Variants in EXD3 observed in about 807,000 individuals in gnomAD.
The protein encoded by EXD3 is exonuclease 3'-5' domain containing 3, also known as exonuclease mut-7 homolog.
EXD3 carries 92 observed loss-of-function variants against 98.0 expected under a neutral mutation model. The ratio of observed to expected loss-of-function variants is 0.94; its 90% CI spans 0.79 to 1.12. EXD3 has a LOEUF of 1.12. Ranked by LOEUF, EXD3 falls within the 50% of genes most tolerant of loss-of-function variation. The pLI, the probability that EXD3 is intolerant of heterozygous loss-of-function variation, is 0.00. For missense variants in EXD3, 1,222 were observed against 1,191.6 expected (o/e 1.03, Z -0.38); for synonymous variants, 569 against 526.0 (o/e 1.08, Z -1.12).
chr9:137,420,735 T>TCAC (rs1554743317), intron 1 of EXD3, among the ~76,000 whole-genome samples: 8 of 97,344 alleles, frequency 8.2e-5, no homozygotes, highest in East Asian at 7.7e-4. Context: ...GGACAGACAT[T>TCAC]CACCCCCCCC....
At chr9:137,321,049 G>A (rs1832006879) in intron 19 of EXD3, among the ~76,000 whole-genome samples, 1 of 152,212 alleles carries the variant, frequency 6.6e-6, no homozygotes, top group South Asian at 2.1e-4. Flanking sequence ...TGGGGTCAGA[G>A]GGTCAGACTG....
chr9:137,355,900 G>A (rs1189856528), intron 8 of EXD3, among the ~76,000 whole-genome samples: 2 of 152,116 alleles, frequency 1.3e-5, no homozygotes, highest in African/African-American at 2.4e-5. Flanking sequence ...GGTGTCCAAC[G>A]ACACAGGCAG....
At chr9:137,335,053 G>A (rs970292839) in intron 17 of EXD3, among the ~76,000 whole-genome samples, 9 of 151,614 alleles carry the variant, frequency 5.9e-5, no homozygotes, top group African/African-American at 1.9e-4. Flanking sequence ...CTCCAGCCTG[G>A]GTGACAGAGC....
chr9:137,367,378 C>A lies in EXD3; in HGVS notation c.516+558G>T, dbSNP rs547607158. Among the ~76,000 whole-genome samples the A allele has an allele frequency of 2.3e-4, 35 of 152,290 alleles. 1 individual carries two copies. The highest frequency in any genetic ancestry group is 1.5e-3 in the Admixed American group (23 of 15,298). ...TTAGGGAGACCAGGATGCGTCCCGT[C>A]CCCACCTGGCTCTGCCCGAGGGGTG... On this transcript the variant is annotated intron_variant, in intron 6 of 21. Coordinates refer to ENST00000340951, the MANE Select transcript of EXD3 (RefSeq NM_017820.5).
chr9:137,336,564 G>A (rs1411181114), intron 17 of EXD3, among the ~76,000 whole-genome samples: 1 of 151,688 alleles, frequency 6.6e-6, no homozygotes, highest in African/African-American at 2.4e-5. Context: ...AGAAGGCTGA[G>A]GCAGAGCTGC....
In EXD3 at chr9:137,347,098, G is replaced by C. The variant is rs368010421; in HGVS notation, c.1998+973C>G. On this transcript the variant is annotated intron_variant, in intron 17 of 21. Coordinates refer to ENST00000340951, the MANE Select transcript of EXD3 (RefSeq NM_017820.5). The surrounding 1 kb of genome is among the most constrained non-coding windows in gnomAD (Gnocchi z 4.2). ...CAGAGTGCAGGGATTACAGGCGTGA[G>C]CACCCAGCCTCCATGTCATTTTTCT... Among the ~76,000 whole-genome samples, 1 of 152,190 alleles carries C rather than the reference G, an allele frequency of 6.6e-6. No individual in the cohort carries two copies. The highest frequency in any genetic ancestry group is 1.5e-5 in the Non-Finnish European group (1 of 68,040).
chr9:137,313,163 G>A (rs1364710383), intron 19 of EXD3, among the ~76,000 whole-genome samples: 1 of 152,140 alleles, frequency 6.6e-6, no homozygotes. Context: ...AGAGGAGGGC[G>A]AGACACGAGC....
At chr9:137,364,685 C>G (rs1835133188) in intron 7 of EXD3, among the ~76,000 whole-genome samples, 1 of 151,938 alleles carries the variant, frequency 6.6e-6, no homozygotes. Context: ...CTTCTTCACC[C>G]TCCCAGTTTC....
At chr9:137,344,867 C>T (rs1019146902) in intron 17 of EXD3, among the ~76,000 whole-genome samples, 13 of 152,040 alleles carry the variant, frequency 8.6e-5, no homozygotes, top group African/African-American at 3.1e-4. Context: ...GCACCTTCCA[C>T]TGTCTGGAGA....
rs139611614 is a variant in EXD3 at position 137,339,734 on chromosome 9, A to G, written c.1998+8337T>C. Among the ~76,000 whole-genome samples the G allele has an allele frequency of 7.5e-4, 114 of 152,290 alleles. 1 individual carries two copies. The highest frequency in any genetic ancestry group is 2.2e-3 in the African/African-American group (90 of 41,566). ...CAATGTTCATTCATAACAAAAACCT[A>G]CAGCAAATGTGGAATCATGGAACTG... is the stretch of plus-strand genomic sequence containing the variant. On this transcript the variant is annotated intron_variant, in intron 17 of 21. Coordinates refer to ENST00000340951, the MANE Select transcript of EXD3 (RefSeq NM_017820.5).
intron 16 of EXD3, 137 bp from the exon 17 acceptor site, chr9:137,348,375 G>T: frequency 9.6e-7 from 1 of 1,044,920 alleles, no homozygotes; most frequent in Non-Finnish European, 1.3e-6. Context: ...TGTGTGCTGT[G>T]CATAAAACAG....
chr9:137,309,714 G>A lies in EXD3; in HGVS notation c.2185-14C>T, dbSNP rs770956168. 4 of 1,546,772 alleles carry A rather than the reference G, an allele frequency of 2.6e-6. No homozygotes were observed. Among genetic ancestry groups the A allele is most frequent in the Non-Finnish European group, 3.5e-6 (4 of 1,144,070 alleles). On this transcript the variant is annotated splice_polypyrimidine_tract_variant and intron_variant, in intron 19 of 21. Coordinates refer to ENST00000340951, the MANE Select transcript of EXD3 (RefSeq NM_017820.5). ...ACAGTTACAGGCCTGGGGGCCAGAG[G>A]GGGTGCTGAGGCCCAGGCGGGGCTT... is the stretch of plus-strand genomic sequence containing the variant.
At position 137,355,462 on chromosome 9, in the gene EXD3, A is replaced by AAAGGAGGAAGGAGG. The variant is rs1338073935; in HGVS notation, c.758-703_758-690dup. On this transcript the variant is annotated intron_variant, in intron 8 of 21. Transcript: ENST00000340951. ...GAGGAAGGGAGGATGGAGGAAGGAG[A>AAAGGAGGAAGGAGG]AAGGAGGAAGGAGGAAGGAGGAAGG... 5.0e-4 allele frequency among the ~76,000 whole-genome samples: 11 copies of AAAGGAGGAAGGAGG among 21,920 alleles called. 1 individual carries two copies. Among genetic ancestry groups the AAAGGAGGAAGGAGG allele is most frequent in the Non-Finnish European group, 1.2e-3 (11 of 9,080 alleles). 14.4% of individuals were successfully genotyped at this position (21,920 alleles called of 152,430 possible).
chr9:137,368,724 C>G (rs1835407069), intron 5 of EXD3, among the ~76,000 whole-genome samples: 1 of 152,260 alleles, frequency 6.6e-6, no homozygotes, highest in Admixed American at 6.5e-5. Context: ...GCTTCCAGCC[C>G]CGGTGCGCAG....
intron 1 of EXD3, among the ~76,000 whole-genome samples, chr9:137,417,676 G>T (rs1452877810): frequency 6.6e-6 from 1 of 152,202 alleles, no homozygotes; most frequent in African/African-American, 2.4e-5. Context: ...CCACGCGGCG[G>T]AGCAGCTTCC....
At chr9:137,378,946 G>A (rs1485445050) in intron 3 of EXD3, among the ~76,000 whole-genome samples, 1 of 145,246 alleles carries the variant, frequency 6.9e-6, no homozygotes, top group African/African-American at 2.6e-5. Flanking sequence ...TACGGGGTTT[G>A]TGGGTGACGG....
intron 17 of EXD3, among the ~76,000 whole-genome samples, chr9:137,330,471 AAAGGAGC>A (rs1469011621): frequency 2.9e-5 from 4 of 138,532 alleles, no homozygotes; most frequent in South Asian, 2.4e-4. Flanking sequence ...ACAGGACTAC[AAAGGAGC>A]TACACAGGAG....
intron 7 of EXD3, among the ~76,000 whole-genome samples, chr9:137,363,252 G>A (rs1174723454): frequency 7.0e-6 from 1 of 142,810 alleles, no homozygotes; most frequent in Non-Finnish European, 1.5e-5. Context: ...TGGCTTCTGA[G>A]TTTAAGCTGA....
At chr9:137,414,262 T>C (rs1838138033) in intron 1 of EXD3, among the ~76,000 whole-genome samples, 1 of 152,206 alleles carries the variant, frequency 6.6e-6, no homozygotes, top group Non-Finnish European at 1.5e-5. Flanking sequence ...TGGCATGGTG[T>C]CTTCAAAACT....
Sources: allele counts gnomAD v4.1 joint callset (sites outside exome capture counted in the v4.1 genomes callset), GRCh38; gene constraint gnomAD v4.1.1; non-coding constraint Gnocchi (gnomAD v3.1); transcripts MANE v1.5; gene names NCBI Gene and HGNC (gene_info 2026-07-23, HGNC 2026-07-21).